ATRNL1: variants seen among roughly 807,000 people sequenced by gnomAD.
ATRNL1 encodes the protein attractin like 1.
A neutral mutation model predicts 182.7 loss-of-function variants in ATRNL1; 95 were observed. The ratio of observed to expected loss-of-function variants is 0.52; its 90% CI spans 0.44 to 0.62. ATRNL1 has a LOEUF of 0.62. Among genes scored for constraint, ATRNL1 ranks in the 20% least tolerant of loss-of-function variants. The pLI is 0.00. For synonymous variants in ATRNL1, 576 were observed against 568.3 expected (o/e 1.01, Z -0.19); for missense variants, 1,471 against 1,679.5 (o/e 0.88, Z 2.17).
intron 19 of ATRNL1, among the ~76,000 whole-genome samples, chr10:115,363,696 T>G (rs1856870362): frequency 6.6e-6 from 1 of 152,114 alleles, no homozygotes; most frequent in Non-Finnish European, 1.5e-5. Flanking sequence ...GATTTTTGTA[T>G]AAGGTGTAAG....
chr10:115,643,119 C>T (rs1555031021), intron 26 of ATRNL1, among the ~76,000 whole-genome samples: 1 of 152,050 alleles, frequency 6.6e-6, no homozygotes, highest in African/African-American at 2.4e-5. Flanking sequence ...CAAGAAAGTG[C>T]AACATTCATT....
At chr10:115,370,141 T>TGATTGTGA (rs1355379625) in intron 19 of ATRNL1, among the ~76,000 whole-genome samples, 1 of 152,230 alleles carries the variant, frequency 6.6e-6, no homozygotes, top group Non-Finnish European at 1.5e-5. Flanking sequence ...CATTCTGCCA[T>TGATTGTGA]GATTGTGAGG....
chr10:115,403,727 C>T (rs1554957567), intron 20 of ATRNL1, among the ~76,000 whole-genome samples: 1 of 152,196 alleles, frequency 6.6e-6, no homozygotes, highest in Non-Finnish European at 1.5e-5. Context: ...CCTGGGATTA[C>T]AGGCATGAGC....
intron 26 of ATRNL1, among the ~76,000 whole-genome samples, chr10:115,599,110 A>G (rs1856443388): frequency 6.6e-6 from 1 of 152,208 alleles, no homozygotes; most frequent in Non-Finnish European, 1.5e-5. Flanking sequence ...ATCACCACCA[A>G]TATAATAAGA....
chr10:115,161,264 C>T (rs535473043), intron 6 of ATRNL1, among the ~76,000 whole-genome samples: 7 of 151,580 alleles, frequency 4.6e-5, no homozygotes, highest in African/African-American at 1.5e-4. Flanking sequence ...ATTAGAAAAT[C>T]GAATAAATTC....
At chr10:115,526,414 C>A (rs1851218724) in intron 25 of ATRNL1, among the ~76,000 whole-genome samples, 1 of 152,026 alleles carries the variant, frequency 6.6e-6, no homozygotes, top group Non-Finnish European at 1.5e-5. Flanking sequence ...TCTCATTATC[C>A]CTCTGCAGGT....
chr10:115,294,416 T>C (rs1554921948), intron 15 of ATRNL1, among the ~76,000 whole-genome samples: 1 of 152,238 alleles, frequency 6.6e-6, no homozygotes, highest in Non-Finnish European at 1.5e-5. Flanking sequence ...CATTGAATTC[T>C]TCAGATCTAG....
At position 115,881,066 on chromosome 10, in the gene ATRNL1, C is replaced by T. The variant is rs561713179; in HGVS notation, c.4018+33075C>T. Among the ~76,000 whole-genome samples the T allele has an allele frequency of 2.6e-5, 4 of 152,282 alleles. No individual in the cohort carries two copies. In the East Asian group the frequency reaches 7.7e-4, roughly 29 times the overall value. ...GTGGAGCTGTCCTGGGGCCTGTGCC[C>T]TCAATGCGTGGCCTGTCTTTTCTGG... On this transcript the variant is annotated intron_variant, in intron 28 of 28. Coordinates refer to ENST00000355044, the MANE Select transcript of ATRNL1 (RefSeq NM_207303.4).
intron 19 of ATRNL1, among the ~76,000 whole-genome samples, chr10:115,362,890 T>C (rs1554944703): frequency 1.3e-5 from 2 of 151,628 alleles, no homozygotes; most frequent in Admixed American, 6.6e-5. Flanking sequence ...ATGGTGTATA[T>C]GTGCCACATT....
chr10:115,867,800 C>T (rs1951474474), intron 28 of ATRNL1, among the ~76,000 whole-genome samples: 1 of 151,046 alleles, frequency 6.6e-6, no homozygotes, highest in South Asian at 2.1e-4. Flanking sequence ...TGCAGTGGCA[C>T]GATCTTGGCT....
intron 10 of ATRNL1, among the ~76,000 whole-genome samples, chr10:115,259,016 G>C (rs543022481): frequency 3.3e-4 from 51 of 152,280 alleles, no homozygotes; most frequent in African/African-American, 1.2e-3. Context: ...GCAGCCACCT[G>C]TATGAGGTGT....
chr10:115,244,144 G>C (rs532217382), intron 10 of ATRNL1, among the ~76,000 whole-genome samples: 2 of 152,094 alleles, frequency 1.3e-5, no homozygotes, highest in African/African-American at 4.8e-5. Flanking sequence ...TTTCACTGTG[G>C]TACACCAGGA....
intron 28 of ATRNL1, among the ~76,000 whole-genome samples, chr10:115,888,649 T>A (rs2134457209): frequency 6.6e-6 from 1 of 152,372 alleles, no homozygotes. Context: ...TGCATTTTTC[T>A]CTCTCTGTAT....
chr10:115,531,946 C>T (rs548559575), intron 25 of ATRNL1, among the ~76,000 whole-genome samples: 1,805 of 145,484 alleles, frequency 0.012, 22 homozygotes, highest in Non-Finnish European at 0.018. Context: ...TGTAGATATG[C>T]GGCATTATTT....
chr10:115,802,071 C>A (rs973604629), intron 27 of ATRNL1, among the ~76,000 whole-genome samples: 19 of 67,950 alleles, frequency 2.8e-4, no homozygotes, highest in African/African-American at 6.9e-4. Context: ...AGAATTTCTA[C>A]CTTCCGCCCC....
chr10:115,877,087 G>A (rs932935185), intron 28 of ATRNL1, among the ~76,000 whole-genome samples: 4 of 152,124 alleles, frequency 2.6e-5, no homozygotes, highest in Non-Finnish European at 5.9e-5. Context: ...TAATAGACTA[G>A]GCTTTGAGCT....
At chr10:115,903,164 A>C (rs1370191687) in intron 28 of ATRNL1, among the ~76,000 whole-genome samples, 4 of 152,196 alleles carry the variant, frequency 2.6e-5, no homozygotes, top group African/African-American at 9.7e-5. Flanking sequence ...TAATTATTTA[A>C]AGTGTGACTA....
At position 115,511,113 on chromosome 10, in the gene ATRNL1, A is replaced by G. The variant is rs534093234; in HGVS notation, c.3655-8150A>G. Among the ~76,000 whole-genome samples the G allele has an allele frequency of 2.0e-4, 30 of 152,016 alleles. No homozygotes were observed. The South Asian group carries it at 5.6e-3, about 28-fold the overall frequency. On this transcript the variant is annotated intron_variant, in intron 24 of 28. Coordinates refer to ENST00000355044, the MANE Select transcript of ATRNL1 (RefSeq NM_207303.4). ...TTTATTCCTCATGTTTTATTCCAGA[A>G]ATATGTTTTATTTTGTCTTTTACAA...
intron 26 of ATRNL1, among the ~76,000 whole-genome samples, chr10:115,583,631 C>A: frequency 7.1e-6 from 1 of 140,080 alleles, no homozygotes; most frequent in African/African-American, 2.5e-5. Context: ...AGTTGCTTAT[C>A]AGTTTAAGGA....
Sources: gnomAD v4.1 joint callset for allele counts (sites outside exome capture counted in the v4.1 genomes callset) on GRCh38, gnomAD v4.1.1 for gene constraint, MANE v1.5 for transcripts, NCBI Gene and HGNC (gene_info 2026-07-23, HGNC 2026-07-21) for gene names.